MIB1: variants seen among roughly 807,000 people sequenced by gnomAD.
MIB1 encodes E3 ubiquitin-protein ligase MIB1.
Under a neutral mutation model 124.5 loss-of-function variants are expected in MIB1, and 278 were observed. That is an observed-to-expected ratio of 2.23 (90% confidence interval 2.02 to 2.47). The LOEUF (loss-of-function observed/expected upper bound fraction) is 2.47. MIB1 is among the 30% of genes most tolerant of loss of function. The probability of loss-of-function intolerance (pLI) is 0.00; values close to 1 mark genes in which losing one functional copy is unlikely to be tolerated. For synonymous variants in MIB1, 446 were observed against 429.4 expected (o/e 1.04, Z -0.48); for missense variants, 957 against 1,254.4 (o/e 0.76, Z 3.58).
At position 21,868,045 on chromosome 18, in the gene MIB1, A is replaced by G. The variant is rs527705564; in HGVS notation, c.*3379A>G. ...ATCCAAAAGGAAAAGCACTTATCCTATCAGAATGTCTACCATGTTTTATAG... is the reference window on the plus strand; with the variant it reads ...ATCCAAAAGGAAAAGCACTTATCCTGTCAGAATGTCTACCATGTTTTATAG... On this transcript the variant is annotated 3_prime_UTR_variant, in exon 21 of 21. Coordinates refer to ENST00000261537, the MANE Select transcript of MIB1 (RefSeq NM_020774.4). 1.3e-5 allele frequency: 2 copies of G among 152,214 alleles called. No homozygotes were observed. Among genetic ancestry groups the G allele is most frequent in the Admixed American group, 1.3e-4 (2 of 15,292 alleles). The allele number at this position is 152,214 out of a possible 1,614,324, so 9.4% of individuals were successfully genotyped here.
intron 10 of MIB1, among the ~76,000 whole-genome samples, chr18:21,808,157 A>G (rs956381581): frequency 7.9e-5 from 12 of 152,206 alleles, no homozygotes; most frequent in Admixed American, 3.3e-4. Context: ...ATTTTATTAA[A>G]AGCTTTGGAG....
intron 19 of MIB1, among the ~76,000 whole-genome samples, chr18:21,857,881 T>TCTG (rs2042242628): frequency 6.6e-6 from 1 of 152,242 alleles, no homozygotes; most frequent in Non-Finnish European, 1.5e-5. Context: ...CATTAGTGTG[T>TCTG]AGCAACTTCT....
At chr18:21,747,150 T>G (rs2040920937) in intron 1 of MIB1, among the ~76,000 whole-genome samples, 1 of 152,198 alleles carries the variant, frequency 6.6e-6, no homozygotes, top group Non-Finnish European at 1.5e-5. Flanking sequence ...AAGGAAAACT[T>G]TATTTCCTCA....
At chr18:21,765,043 C>T (rs369763526) in intron 1 of MIB1, among the ~76,000 whole-genome samples, 16 of 152,128 alleles carry the variant, frequency 1.1e-4, no homozygotes, top group African/African-American at 3.9e-4. Flanking sequence ...GAGTATTACC[C>T]CCAATTATTT....
chr18:21,768,864 GTT>G, intron 3 of MIB1, 112 bp downstream of exon 3: 1 of 927,512 alleles, frequency 1.1e-6, no homozygotes, highest in Non-Finnish European at 1.5e-6. Flanking sequence ...GCCAGTAACA[GTT>G]TTTAAAATCT....
intron 15 of MIB1, among the ~76,000 whole-genome samples, chr18:21,844,826 A>G (rs542415449): frequency 6.6e-6 from 1 of 152,262 alleles, no homozygotes; most frequent in South Asian, 2.1e-4. Flanking sequence ...GATATTGAGC[A>G]TCTTTTCATT....
In MIB1 at chr18:21,867,280, A is replaced by G. The variant is rs1236259443; in HGVS notation, c.*2614A>G. 6.6e-6 allele frequency: 1 copy of G among 152,416 alleles called. No individual in the cohort carries two copies. The highest frequency in any genetic ancestry group is 2.4e-5 in the African/African-American group (1 of 41,428). 9.4% of individuals were successfully genotyped at this position (152,416 alleles called of 1,614,324 possible). On this transcript the variant is annotated 3_prime_UTR_variant, in exon 21 of 21. Coordinates refer to ENST00000261537, the MANE Select transcript of MIB1 (RefSeq NM_020774.4). ...CCAAAGGTCCTGATAACATTTCCTA[A>G]CGTTTCAGAAGAGTTGTCATTGAGT...
chr18:21,825,670 A>G (rs537458681), intron 12 of MIB1: 2 of 525,718 alleles, frequency 3.8e-6, no homozygotes, highest in Admixed American at 2.0e-5. Context: ...GATATTCACA[A>G]ATGAAAACGT....
chr18:21,791,581 G>A (rs751023405), intron 7 of MIB1, 24 bp downstream of exon 7: 6 of 1,565,494 alleles, frequency 3.8e-6, no homozygotes, highest in South Asian at 3.5e-5. Flanking sequence ...GAATAATTCT[G>A]GGCTAGAAAT....
chr18:21,758,619 C>G (rs981500285), intron 1 of MIB1, among the ~76,000 whole-genome samples: 12 of 152,170 alleles, frequency 7.9e-5, no homozygotes, highest in African/African-American at 2.9e-4. Context: ...ACTGCAACCT[C>G]CGCCTCCTGG....
chr18:21,832,903 G>T (rs1034446773), intron 12 of MIB1, among the ~76,000 whole-genome samples: 2 of 152,160 alleles, frequency 1.3e-5, no homozygotes, highest in African/African-American at 4.8e-5. Flanking sequence ...AGCAGTGAAA[G>T]TACTTATTTT....
chr18:21,741,484 G>T lies in MIB1; in HGVS notation c.-100G>T. On this transcript the variant is annotated 5_prime_UTR_variant, in exon 1 of 21. Transcript: ENST00000261537. This position sits in a 1 kb window ranked among gnomAD's most constrained non-coding sequence, Gnocchi z 5.4. ...CCCGGGGCTCGCTGCCGCCCCCGCC[G>T]ACGCCTAGAGTCCGGCCCGGGCCCA... 2 of 660,570 alleles carry T rather than the reference G, an allele frequency of 3.0e-6. No individual in the cohort carries two copies. The highest frequency in any genetic ancestry group is 5.2e-5 in the East Asian group (1 of 19,064). The allele number at this position is 660,570 out of a possible 1,614,324, so 40.9% of individuals were successfully genotyped here.
intron 1 of MIB1, among the ~76,000 whole-genome samples, chr18:21,706,508 T>G (rs1414119211): frequency 6.6e-6 from 1 of 151,586 alleles, no homozygotes; most frequent in Admixed American, 6.6e-5. Context: ...TGCAGGGAGG[T>G]GTGGAGAGAG....
At chr18:21,786,635 C>A (rs527397546) in intron 6 of MIB1, among the ~76,000 whole-genome samples, 2 of 152,158 alleles carry the variant, frequency 1.3e-5, no homozygotes, top group Non-Finnish European at 2.9e-5. Flanking sequence ...CATTCCTTTT[C>A]ATTCTTTTTT....
At position 21,714,187 on chromosome 18, in the gene MIB1, AGCCATCACTCTAGGT is replaced by A. The variant is rs977618899; in HGVS notation, n.167+9068_167+9082del. Among the ~76,000 whole-genome samples the A allele has an allele frequency of 2.6e-4, 40 of 152,340 alleles. 1 individual carries two copies. Among genetic ancestry groups the A allele is most frequent in the African/African-American group, 9.1e-4 (38 of 41,572 alleles). On this transcript the variant is annotated intron_variant and non_coding_transcript_variant, in intron 1 of 20. Coordinates refer to the MIB1 transcript ENST00000578646. ...TGTCTGAGCTGGCCAAATCGCCCAAAGCCATCACTCTAGGTGCCTCCTCCTCCTCCCTGCCTACGT... is the reference window on the plus strand; with the variant it reads ...TGTCTGAGCTGGCCAAATCGCCCAAAGCCTCCTCCTCCTCCCTGCCTACGT...
chr18:21,835,840 A>ACACACACACACACAAAC (rs1555695330), intron 12 of MIB1, among the ~76,000 whole-genome samples: 2 of 108,056 alleles, frequency 1.9e-5, no homozygotes, highest in South Asian at 3.4e-4. Flanking sequence ...CACACACACA[A>ACACACACACACACAAAC]ACACACACGA....
At chr18:21,849,033 A>G (rs2042158961) in intron 16 of MIB1, among the ~76,000 whole-genome samples, 163 bp from the exon 17 acceptor site, 1 of 152,252 alleles carries the variant, frequency 6.6e-6, no homozygotes, top group South Asian at 2.1e-4. Context: ...AGAGACGCAT[A>G]TAAACACAAA....
chr18:21,768,128 G>A (rs2041184561), intron 2 of MIB1, among the ~76,000 whole-genome samples: 1 of 152,058 alleles, frequency 6.6e-6, no homozygotes, highest in Admixed American at 6.6e-5. Flanking sequence ...GTCTTTCTTG[G>A]GCTGTCATTA....
chr18:21,800,701 G>A (rs1284237776), intron 9 of MIB1, among the ~76,000 whole-genome samples: 1 of 151,956 alleles, frequency 6.6e-6, no homozygotes, highest in Non-Finnish European at 1.5e-5. Flanking sequence ...TTGGATGTTT[G>A]TTTGTTTTTA....
Sources: gnomAD v4.1 joint callset for allele counts (sites outside exome capture counted in the v4.1 genomes callset) on GRCh38, gnomAD v4.1.1 for gene constraint, Gnocchi (gnomAD v3.1) non-coding constraint, MANE v1.5 for transcripts, NCBI Gene and HGNC (gene_info 2026-07-23, HGNC 2026-07-21) for gene names.